RPL37: variants seen among roughly 807,000 people sequenced by gnomAD.
RPL37 encodes the protein large ribosomal subunit protein eL37.
A neutral mutation model predicts 14.8 loss-of-function variants in RPL37; 1 was observed. That is an observed-to-expected ratio of 0.07 (90% CI 0.02 to 0.32). The LOEUF is 0.32. Among genes scored for constraint, RPL37 ranks in the 10% least tolerant of loss-of-function variants. The probability of loss-of-function intolerance (pLI) is 1.00; values close to 1 mark genes in which losing one functional copy is unlikely to be tolerated. For synonymous variants in RPL37, 53 were observed against 45.8 expected (o/e 1.16, Z -0.63); for missense variants, 100 against 128.3 (o/e 0.78, Z 1.06).
rs1307500768 is a variant in RPL37, at chr5:40,832,025, T to C, written c.*479A>G. On this transcript the variant is annotated 3_prime_UTR_variant, in exon 4 of 4. Coordinates refer to ENST00000274242, the MANE Select transcript of RPL37 (RefSeq NM_000997.5). Reference sequence around the variant, plus strand: ...CATTACAGATACTAGGATAAGATCATCTTTTGAAAAACAGAAGCCACCTAA... The same window carrying C: ...CATTACAGATACTAGGATAAGATCACCTTTTGAAAAACAGAAGCCACCTAA... 1.2e-5 allele frequency: 2 copies of C among 167,238 alleles called. No homozygotes were observed. Among genetic ancestry groups the C allele is most frequent in the South Asian group, 1.5e-4 (1 of 6,854 alleles). The allele number at this position is 167,238 out of a possible 1,614,324, so 10.4% of individuals were successfully genotyped here. A position where few individuals can be genotyped will look rare whatever the true frequency, so the allele number is the denominator to read the frequency against.
At position 40,829,157 on chromosome 5, in the gene RPL37, A is replaced by T. The variant is rs1745583630; in HGVS notation, c.*3347T>A. On this transcript the variant is annotated 3_prime_UTR_variant, in exon 4 of 4. Coordinates refer to ENST00000274242, the MANE Select transcript of RPL37 (RefSeq NM_000997.5). ...TTGGAAGTTAGCTACTCACTTGCAC[A>T]TTCAAGTTTTAGATGTTTTCTGTAG... 1 of 152,220 alleles carries T rather than the reference A, an allele frequency of 6.6e-6. No individual in the cohort carries two copies. The highest frequency in any genetic ancestry group is 3.2e-3 in the Middle Eastern group (1 of 316). 9.4% of individuals were successfully genotyped at this position (152,220 alleles called of 1,614,324 possible). A position where few individuals can be genotyped will look rare whatever the true frequency, so the allele number is the denominator to read the frequency against.
Position 40,832,508 on chromosome 5 carries a change from G to A in RPL37, c.290C>T (p.Ser97Phe). ...KRAAVAASSS[S>F] ...CATGACTAATCGTTGACATTCTTAA[G>A]ATGAACTGGATGCTGCAACAGCTGC... The change falls in exon 4 of 4, where the codon TCT (serine) becomes TTT (phenylalanine). Residue 97 changes from serine (S) to phenylalanine (F), a missense_variant. Around this residue, in one of 2 missense-constraint regions of RPL37, gnomAD observed 74 missense variants for 69.9 expected, o/e 1.06. Transcript: ENST00000274242. The A allele has an allele frequency of 6.2e-7, 1 of 1,612,758 alleles. No homozygotes were observed. Among genetic ancestry groups the A allele is most frequent in the South Asian group, 1.1e-5 (1 of 91,034 alleles).
In RPL37 at chr5:40,829,284, A is replaced by G. The variant is rs879284414; in HGVS notation, c.*3220T>C. 2 of 152,222 alleles carry G rather than the reference A, an allele frequency of 1.3e-5. No homozygotes were observed. The highest frequency in any genetic ancestry group is 2.4e-5 in the African/African-American group (1 of 41,452). 9.4% of individuals were successfully genotyped at this position (152,222 alleles called of 1,614,324 possible). On this transcript the variant is annotated 3_prime_UTR_variant, in exon 4 of 4. Transcript: ENST00000274242. ...CTAGTTTCCAGCTTCAAGACTCATCACATGCACACTAACACTTTCCACATT... is the reference window on the plus strand; with the variant it reads ...CTAGTTTCCAGCTTCAAGACTCATCGCATGCACACTAACACTTTCCACATT...
rs1051165275 is a variant in RPL37, at chr5:40,830,385, T to C, written c.*2119A>G. On this transcript the variant is annotated 3_prime_UTR_variant, in exon 4 of 4. Transcript: ENST00000274242. ...ACTTTGGGAGGCCAAGATGAGAGGA[T>C]CACTTGAAACCAGGAGTCCAAGACC... The C allele has an allele frequency of 1.3e-5, 2 of 151,950 alleles. No individual in the cohort carries two copies. Among genetic ancestry groups the C allele is most frequent in the Non-Finnish European group, 2.9e-5 (2 of 68,006 alleles). The allele number at this position is 151,950 out of a possible 1,614,324, so 9.4% of individuals were successfully genotyped here.
chr5:40,832,366 A>T lies in RPL37; in HGVS notation c.*138T>A, dbSNP rs1214078616. 6 of 771,710 alleles carry T rather than the reference A, an allele frequency of 7.8e-6. 1 individual carries two copies. Among genetic ancestry groups the T allele is most frequent in the South Asian group, 2.9e-5 (2 of 69,592 alleles). 47.8% of individuals were successfully genotyped at this position (771,710 alleles called of 1,614,324 possible). ...AACAGTCACTTAACAAGTAAATCTGATATGAAGCTAGCCCAGTCCCTAAAC... is the reference window on the plus strand; with the variant it reads ...AACAGTCACTTAACAAGTAAATCTGTTATGAAGCTAGCCCAGTCCCTAAAC... On this transcript the variant is annotated 3_prime_UTR_variant, in exon 4 of 4. Transcript: ENST00000274242.
rs949145747 is a variant in RPL37, at chr5:40,825,885, T to C, written c.*6619A>G. ...TGCACCTGGCTAATTTTTGTATTTT[T>C]AGTGGAGACGGGGTTTCGCCATGTT... On this transcript the variant is annotated 3_prime_UTR_variant, in exon 4 of 4. Coordinates refer to ENST00000274242, the MANE Select transcript of RPL37 (RefSeq NM_000997.5). The C allele has an allele frequency of 1.3e-5, 2 of 152,264 alleles. No individual in the cohort carries two copies. Among genetic ancestry groups the C allele is most frequent in the African/African-American group, 2.4e-5 (1 of 41,434 alleles). The allele number at this position is 152,264 out of a possible 1,614,324, so 9.4% of individuals were successfully genotyped here. A position where few individuals can be genotyped will look rare whatever the true frequency, so the allele number is the denominator to read the frequency against.
intron 2 of RPL37, 60 bp from the exon 3 acceptor site, chr5:40,834,325 T>C: frequency 6.4e-7 from 1 of 1,565,710 alleles, no homozygotes; most frequent in Non-Finnish European, 8.8e-7. Context: ...TTGTAGGTGT[T>C]GTTAACACAC....
At position 40,831,396 on chromosome 5, in the gene RPL37, T is replaced by C. The variant is rs1377662766; in HGVS notation, c.*1108A>G. 1 of 152,398 alleles carries C rather than the reference T, an allele frequency of 6.6e-6. No individual in the cohort carries two copies. Among genetic ancestry groups the C allele is most frequent in the Admixed American group, 6.5e-5 (1 of 15,280 alleles). The allele number at this position is 152,398 out of a possible 1,614,324, so 9.4% of individuals were successfully genotyped here. A position where few individuals can be genotyped will look rare whatever the true frequency, so the allele number is the denominator to read the frequency against. On this transcript the variant is annotated 3_prime_UTR_variant, in exon 4 of 4. Transcript: ENST00000274242. ...AAGTGAATGTTCTGAAGCTGAGACC[T>C]GAAGGGTAAATTAGGAGTTAAAATA...
chr5:40,825,461 G>A lies in RPL37; in HGVS notation c.*7043C>T, dbSNP rs1402653990. The A allele has an allele frequency of 1.3e-5, 2 of 152,168 alleles. No individual in the cohort carries two copies. The highest frequency in any genetic ancestry group is 2.1e-4 in the South Asian group (1 of 4,824). The allele number at this position is 152,168 out of a possible 1,614,324, so 9.4% of individuals were successfully genotyped here. On this transcript the variant is annotated 3_prime_UTR_variant, in exon 4 of 4. Transcript: ENST00000274242. ...TGCCTCACAGGGGTACGTTCCCAGA[G>A]GTTTCTCTCTCTAGAGCAATCCCTA...
rs1172841725 is a variant in RPL37, at chr5:40,830,073, C to T, written c.*2431G>A. 2.0e-5 allele frequency: 3 copies of T among 152,062 alleles called. No homozygotes were observed. The highest frequency in any genetic ancestry group is 4.4e-5 in the Non-Finnish European group (3 of 68,018). The allele number at this position is 152,062 out of a possible 1,614,324, so 9.4% of individuals were successfully genotyped here. On this transcript the variant is annotated 3_prime_UTR_variant, in exon 4 of 4. Coordinates refer to ENST00000274242, the MANE Select transcript of RPL37 (RefSeq NM_000997.5). Reference sequence around the variant, plus strand: ...GCTTTGACAGCTGGGGGCAAATCAACCTGACTTTGTGAACTAAGATGGGAG... The same window carrying T: ...GCTTTGACAGCTGGGGGCAAATCAATCTGACTTTGTGAACTAAGATGGGAG...
At chr5:40,834,338 GT>G in intron 2 of RPL37, 73 bp from the exon 3 acceptor site, 1 of 1,566,598 alleles carries the variant, frequency 6.4e-7, no homozygotes, top group Non-Finnish European at 8.8e-7. Flanking sequence ...TAACACACGA[GT>G]TTTATGCCAC....
At position 40,834,419 on chromosome 5, in the gene RPL37, A is replaced by C. The variant is rs1024953521; in HGVS notation, c.139+52T>G. On this transcript the variant is annotated intron_variant, in intron 2 of 3. Transcript: ENST00000274242. ...AAAGTTCAAACCTATGCCCCCACTTAAGTGCAATACAAACAAAAGCTAACA... is the reference window on the plus strand; with the variant it reads ...AAAGTTCAAACCTATGCCCCCACTTCAGTGCAATACAAACAAAAGCTAACA... 7 of 1,599,104 alleles carry C rather than the reference A, an allele frequency of 4.4e-6. No individual in the cohort carries two copies. In the Admixed American group the frequency reaches 1.2e-4, roughly 28 times the overall value.
chr5:40,832,285 T>C lies in RPL37; in HGVS notation c.*219A>G. 1 of 546,032 alleles carries C rather than the reference T, an allele frequency of 1.8e-6. No homozygotes were observed. Among genetic ancestry groups the C allele is most frequent in the Non-Finnish European group, 3.4e-6 (1 of 296,122 alleles). The allele number at this position is 546,032 out of a possible 1,614,324, so 33.8% of individuals were successfully genotyped here. On this transcript the variant is annotated 3_prime_UTR_variant, in exon 4 of 4. Coordinates refer to ENST00000274242, the MANE Select transcript of RPL37 (RefSeq NM_000997.5). ...CTTCAAGGACTCCTGGAATTCTGCT[T>C]GTTTCTCATTGCCTTTAACCGTGTT...
rs1407740253 is a variant in RPL37, at chr5:40,826,231, T to C, written c.*6273A>G. 1 of 152,242 alleles carries C rather than the reference T, an allele frequency of 6.6e-6. No homozygotes were observed. Among genetic ancestry groups the C allele is most frequent in the African/African-American group, 2.4e-5 (1 of 41,468 alleles). The allele number at this position is 152,242 out of a possible 1,614,324, so 9.4% of individuals were successfully genotyped here. On this transcript the variant is annotated 3_prime_UTR_variant, in exon 4 of 4. Coordinates refer to ENST00000274242, the MANE Select transcript of RPL37 (RefSeq NM_000997.5). The stretch of plus-strand genomic sequence containing the variant: ...GTTTATTTGCAGAGCTACATAAATA[T>C]AACCTTATTAGAATGGGATTTTTCC...
At position 40,832,026 on chromosome 5, in the gene RPL37, CT is replaced by C; in HGVS notation, c.*477del. On this transcript the variant is annotated 3_prime_UTR_variant, in exon 4 of 4. Coordinates refer to ENST00000274242, the MANE Select transcript of RPL37 (RefSeq NM_000997.5). ...ATTACAGATACTAGGATAAGATCAT[CT>C]TTTGAAAAACAGAAGCCACCTAAAC... 6.0e-6 allele frequency: 1 copy of C among 167,094 alleles called. No homozygotes were observed. The highest frequency in any genetic ancestry group is 1.3e-5 in the Non-Finnish European group (1 of 74,984). 10.4% of individuals were successfully genotyped at this position (167,094 alleles called of 1,614,324 possible).
rs1365836049 is a variant in RPL37, at chr5:40,828,620, GA to G, written c.*3883del. 1 of 152,170 alleles carries G rather than the reference GA, an allele frequency of 6.6e-6. No homozygotes were observed. Among genetic ancestry groups the G allele is most frequent in the African/African-American group, 2.4e-5 (1 of 41,446 alleles). The allele number at this position is 152,170 out of a possible 1,614,324, so 9.4% of individuals were successfully genotyped here. On this transcript the variant is annotated 3_prime_UTR_variant, in exon 4 of 4. Coordinates refer to ENST00000274242, the MANE Select transcript of RPL37 (RefSeq NM_000997.5). Reference sequence around the variant, plus strand: ...CTGCTCTAACATGAGAGAGGTTTATGAAAAGTAAAGACTAGCCTAAATTTTG... The same window carrying G: ...CTGCTCTAACATGAGAGAGGTTTATGAAAGTAAAGACTAGCCTAAATTTTG...
chr5:40,835,172 T>C lies in RPL37; in HGVS notation c.3+11A>G, dbSNP rs753628185. 13 of 1,613,912 alleles carry C rather than the reference T, an allele frequency of 8.1e-6. No individual in the cohort carries two copies. The highest frequency in any genetic ancestry group is 2.2e-5 in the East Asian group (1 of 44,894). On this transcript the variant is annotated intron_variant, in intron 1 of 3. Transcript: ENST00000274242. ...GGAACGCGATTCACAAACACCACAG[T>C]CACAACTCACCATCTCGCTTCTGCG... is the stretch of plus-strand genomic sequence containing the variant.
chr5:40,829,728 G>A lies in RPL37; in HGVS notation c.*2776C>T, dbSNP rs1042641947. 17 of 151,660 alleles carry A rather than the reference G, an allele frequency of 1.1e-4. No homozygotes were observed. Among genetic ancestry groups the A allele is most frequent in the African/African-American group, 3.9e-4 (16 of 41,312 alleles). The allele number at this position is 151,660 out of a possible 1,614,324, so 9.4% of individuals were successfully genotyped here. A position where few individuals can be genotyped will look rare whatever the true frequency, so the allele number is the denominator to read the frequency against. On this transcript the variant is annotated 3_prime_UTR_variant, in exon 4 of 4. Transcript: ENST00000274242. ...AATATATAATTGTGTCTCAATTAGA[G>A]GTGAGGCCTCTGCAGCTCACCGCAA... is the stretch of plus-strand genomic sequence containing the variant.
intron 1 of RPL37, 166 bp downstream of exon 1, chr5:40,835,017 A>C: frequency 1.2e-6 from 1 of 859,076 alleles, no homozygotes; most frequent in Non-Finnish European, 1.8e-6. Context: ...TCCCCCAGGC[A>C]CCAGTTAGCA....
Sources: gnomAD v4.1 joint callset for allele counts on GRCh38, gnomAD v4.1.1 for gene constraint, gnomAD v4.1.1 regional missense constraint, MANE v1.5 for transcripts, NCBI Gene and HGNC (gene_info 2026-07-23, HGNC 2026-07-21) for gene names.